Variants in ADAM23 observed in about 807,000 individuals in gnomAD.
The protein encoded by ADAM23 is disintegrin and metalloproteinase domain-containing protein 23.
A neutral mutation model predicts 120.1 loss-of-function variants in ADAM23; 33 were observed. That is an observed-to-expected ratio of 0.27 (90% CI 0.21 to 0.37). ADAM23 has a LOEUF of 0.37. Ranked by LOEUF, ADAM23 falls within the 10% of genes least tolerant of loss-of-function variation. The pLI, the probability that ADAM23 is intolerant of heterozygous loss-of-function variation, is 1.00. For missense variants in ADAM23, 862 were observed against 1,058.2 expected (o/e 0.81, Z 2.57); for synonymous variants, 367 against 375.2 (o/e 0.98, Z 0.25).
At chr2:206,614,408 G>C (rs1259496068) in intron 25 of ADAM23, among the ~76,000 whole-genome samples, 1 of 36,196 alleles carries the variant, frequency 2.8e-5, no homozygotes, top group Admixed American at 3.1e-4. Flanking sequence ...GCTCATGCCT[G>C]TAATCCCAGG....
intron 10 of ADAM23, among the ~76,000 whole-genome samples, chr2:206,559,103 C>T (rs1238202214): frequency 6.6e-6 from 1 of 152,150 alleles, no homozygotes; most frequent in African/African-American, 2.4e-5. Flanking sequence ...CACCATCACA[C>T]TTGGCTAATT....
Position 206,617,560 on chromosome 2 carries a change from T to G in ADAM23, c.2451-19T>G. 1.3e-6 allele frequency: 2 copies of G among 1,596,880 alleles called. No individual in the cohort carries two copies. The highest frequency in any genetic ancestry group is 1.7e-6 in the Non-Finnish European group (2 of 1,170,654). ...ATTTTCCCCCTCTGCTTGCATCTTC[T>G]TTTGACTCACTCTGGAAGAAATGTC... On this transcript the variant is annotated intron_variant, in intron 25 of 25. Coordinates refer to ENST00000264377, the MANE Select transcript of ADAM23 (RefSeq NM_003812.4).
At chr2:206,496,210 A>G (rs997791637) in intron 3 of ADAM23, among the ~76,000 whole-genome samples, 8 of 152,178 alleles carry the variant, frequency 5.3e-5, no homozygotes, top group Admixed American at 2.0e-4. Context: ...TCTTTTCAGC[A>G]CCACACCACA....
chr2:206,514,225 G>A (rs932650908), intron 3 of ADAM23, among the ~76,000 whole-genome samples: 1 of 152,070 alleles, frequency 6.6e-6, no homozygotes, highest in Admixed American at 6.6e-5. Flanking sequence ...ATTGGGTCTG[G>A]GCAAAGTAAA....
intron 18 of ADAM23, among the ~76,000 whole-genome samples, chr2:206,586,755 C>G (rs1698329455): frequency 6.6e-6 from 1 of 152,146 alleles, no homozygotes; most frequent in Non-Finnish European, 1.5e-5. Flanking sequence ...ATAAATAGAC[C>G]TATAAAAAGA....
Position 206,542,002 on chromosome 2 carries a change from A to G in ADAM23, c.574-50A>G, listed in dbSNP as rs376542615. On this transcript the variant is annotated intron_variant, in intron 4 of 25. Coordinates refer to ENST00000264377, the MANE Select transcript of ADAM23 (RefSeq NM_003812.4). ...TTTGCTTTATGGAAGCACCCAAAGA[A>G]TTAATCATAATGCATAAAATACAAC... The G allele has an allele frequency of 9.5e-6, 15 of 1,584,436 alleles. No homozygotes were observed. In the African/African-American group the frequency reaches 1.6e-4, roughly 17 times the overall value.
chr2:206,529,574 A>T (rs1697010069), intron 3 of ADAM23, among the ~76,000 whole-genome samples: 1 of 151,592 alleles, frequency 6.6e-6, no homozygotes, highest in Non-Finnish European at 1.5e-5. Context: ...AATGTTTTAA[A>T]TATTTTGGAA....
intron 25 of ADAM23, among the ~76,000 whole-genome samples, chr2:206,613,436 G>A (rs3821173): frequency 0.49 from 74,544 of 152,032 alleles, 18,780 homozygotes; most frequent in East Asian, 0.57. Context: ...GGTATTGAGG[G>A]TCTTAGGAAT....
At chr2:206,507,978 T>C (rs1354396417) in intron 3 of ADAM23, among the ~76,000 whole-genome samples, 1 of 152,160 alleles carries the variant, frequency 6.6e-6, no homozygotes, top group Non-Finnish European at 1.5e-5. Context: ...GGTAAGGGTT[T>C]AATGAAATGA....
intron 6 of ADAM23, among the ~76,000 whole-genome samples, chr2:206,546,098 G>C (rs1697391401): frequency 6.6e-6 from 1 of 152,126 alleles, no homozygotes; most frequent in Non-Finnish European, 1.5e-5. Context: ...GTTTACTTGT[G>C]ATCATATTAT....
chr2:206,483,401 G>T (rs549746284), intron 3 of ADAM23, among the ~76,000 whole-genome samples: 12 of 152,256 alleles, frequency 7.9e-5, no homozygotes, highest in Non-Finnish European at 1.6e-4. Flanking sequence ...GAGGTAGCTG[G>T]ATATAACCTC....
At chr2:206,586,020 G>A (rs1253675297) in intron 18 of ADAM23, among the ~76,000 whole-genome samples, 3 of 152,160 alleles carry the variant, frequency 2.0e-5, no homozygotes, top group Non-Finnish European at 2.9e-5. Flanking sequence ...CAAAGGTGAG[G>A]GAATGAGCCA....
At chr2:206,472,151 TC>T (rs1305703702) in intron 2 of ADAM23, among the ~76,000 whole-genome samples, 2 of 152,132 alleles carry the variant, frequency 1.3e-5, no homozygotes, top group African/African-American at 4.8e-5. Flanking sequence ...TAGTTTGACC[TC>T]CCCCATACCC....
At chr2:206,598,610 C>T (rs1698574984) in intron 24 of ADAM23, among the ~76,000 whole-genome samples, 1 of 152,076 alleles carries the variant, frequency 6.6e-6, no homozygotes, top group Admixed American at 6.6e-5. Flanking sequence ...CAAGATAAGC[C>T]TTATTGGGCC....
At chr2:206,550,418 T>A (rs745722489) in intron 9 of ADAM23, among the ~76,000 whole-genome samples, 6 of 152,146 alleles carry the variant, frequency 3.9e-5, no homozygotes, top group Non-Finnish European at 7.3e-5. Context: ...AAAATTCTTA[T>A]TCTCTACTTT....
At chr2:206,572,597 C>T (rs1298079889) in intron 17 of ADAM23, among the ~76,000 whole-genome samples, 1 of 152,118 alleles carries the variant, frequency 6.6e-6, no homozygotes, top group African/African-American at 2.4e-5. Context: ...TTACCCACAC[C>T]CTCCTCAAAT....
At chr2:206,580,259 G>C (rs1698197734) in intron 18 of ADAM23, among the ~76,000 whole-genome samples, 1 of 152,114 alleles carries the variant, frequency 6.6e-6, no homozygotes, top group Admixed American at 6.5e-5. Flanking sequence ...CTATGTTGAA[G>C]AAGAGTGGTG....
At chr2:206,468,021 C>T (rs759532298) in intron 2 of ADAM23, among the ~76,000 whole-genome samples, 47 of 152,156 alleles carry the variant, frequency 3.1e-4, no homozygotes, top group Non-Finnish European at 5.7e-4. Flanking sequence ...GGAGCAGTGT[C>T]CTGAGGCAGA....
intron 18 of ADAM23, among the ~76,000 whole-genome samples, chr2:206,580,678 C>A (rs1698204020): frequency 6.6e-6 from 1 of 152,056 alleles, no homozygotes; most frequent in Non-Finnish European, 1.5e-5. Context: ...GTGTAGTTTT[C>A]TTTTTTGGTA....
Sources: allele counts gnomAD v4.1 joint callset (sites outside exome capture counted in the v4.1 genomes callset), GRCh38; gene constraint gnomAD v4.1.1; transcripts MANE v1.5; gene names NCBI Gene and HGNC (gene_info 2026-07-23, HGNC 2026-07-21).